NEK9: variants seen among roughly 807,000 people sequenced by gnomAD.
NEK9 encodes NIMA related kinase 9, also known as serine/threonine-protein kinase Nek9.
In NEK9, 75 loss-of-function variants were observed where a neutral mutation model predicts 123.4. The observed-to-expected ratio is 0.61, with a 90% CI of 0.50 to 0.74. The LOEUF (loss-of-function observed/expected upper bound fraction) is 0.74, where lower values mean the gene tolerates loss of function less well. Among genes scored for constraint, NEK9 ranks in the 30% least tolerant of loss-of-function variants. The pLI, the probability that NEK9 is intolerant of heterozygous loss-of-function variation, is 0.00. For synonymous variants in NEK9, 438 were observed against 458.7 expected (o/e 0.95, Z 0.58); for missense variants, 952 against 1,214.4 (o/e 0.78, Z 3.21).
chr14:75,126,728 TC>T lies in NEK9; in HGVS notation c.193del (p.Glu65LysfsTer21). On this transcript the variant is annotated frameshift_variant, in exon 1 of 22. Transcript: ENST00000238616. LOFTEE classifies it high-confidence loss of function. ...CTCGGTGCGGCGGTACAGCGTGGCT[TC>T]CCCGAAGGCGCCGCGGCCCAGGACG... Reference protein sequence around the residue: ...IRVLGRGAFGEATLYRRTEDD... With the variant: ...IRVLGRGAFGXATLYRRTEDD... 1 of 1,481,062 alleles carries T rather than the reference TC, an allele frequency of 6.8e-7. No individual in the cohort carries two copies. The highest frequency in any genetic ancestry group is 9.0e-7 in the Non-Finnish European group (1 of 1,116,518). The allele number at this position is 1,481,062 out of a possible 1,614,324, so 91.7% of individuals were successfully genotyped here. A position where few individuals can be genotyped will look rare whatever the true frequency, so the allele number is the denominator to read the frequency against.
chr14:75,120,027 T>C (rs2139803434), intron 4 of NEK9, among the ~76,000 whole-genome samples: 1 of 152,280 alleles, frequency 6.6e-6, no homozygotes, highest in Middle Eastern at 3.4e-3. Context: ...GATGTGAAAA[T>C]GTTATTGAGA....
intron 16 of NEK9, among the ~76,000 whole-genome samples, chr14:75,099,591 G>C (rs1381006533): frequency 6.6e-6 from 1 of 151,550 alleles, no homozygotes; most frequent in Non-Finnish European, 1.5e-5. Context: ...AGACCAGTCT[G>C]GCTAACAGGG....
Position 75,103,998 on chromosome 14 carries a change from C to A in NEK9, c.1576-1G>T. The stretch of plus-strand genomic sequence containing the variant: ...TAATCAAGGCCTTGGGAACATCCAC[C>A]TGCAAGAAAAAAATCAGAAAAAGAA... On this transcript the variant is annotated splice_acceptor_variant, in intron 13 of 21. Coordinates refer to ENST00000238616, the MANE Select transcript of NEK9 (RefSeq NM_033116.6). LOFTEE classifies it high-confidence loss of function. 1 of 1,598,736 alleles carries A rather than the reference C, an allele frequency of 6.3e-7. No individual in the cohort carries two copies. Among genetic ancestry groups the A allele is most frequent in the Non-Finnish European group, 8.5e-7 (1 of 1,175,962 alleles).
At chr14:75,118,720 T>C in intron 5 of NEK9, 110 bp downstream of exon 5, 1 of 682,234 alleles carries the variant, frequency 1.5e-6, no homozygotes, top group Non-Finnish European at 2.5e-6. Flanking sequence ...GCATTAAAAG[T>C]ATGGAGAACT....
intron 21 of NEK9, chr14:75,086,468 T>G (rs1007441145): frequency 6.5e-6 from 1 of 154,268 alleles, no homozygotes; most frequent in Non-Finnish European, 1.4e-5. Context: ...GGAGAATGTC[T>G]ATTTTCAGAG....
At chr14:75,088,674 T>C in intron 19 of NEK9, 33 bp from the exon 20 acceptor site, 2 of 1,591,336 alleles carry the variant, frequency 1.3e-6, no homozygotes, top group Non-Finnish European at 1.7e-6. Context: ...CATTAGTCTG[T>C]TTGCAGTATT....
At chr14:75,104,046 T>C (rs758297431) in intron 13 of NEK9, 49 bp from the exon 14 acceptor site, 2 of 1,540,902 alleles carry the variant, frequency 1.3e-6, no homozygotes, top group East Asian at 2.4e-5. Flanking sequence ...TAATTCGTAT[T>C]AGAAAAAAAG....
intron 8 of NEK9, among the ~76,000 whole-genome samples, chr14:75,110,854 C>T (rs991045035): frequency 1.3e-5 from 2 of 152,148 alleles, no homozygotes; most frequent in African/African-American, 4.8e-5. Context: ...TCTGATTCAT[C>T]TCTCTCCCTT....
At position 75,103,857 on chromosome 14, in the gene NEK9, T is replaced by G. The variant is rs1248386083; in HGVS notation, c.1716A>C (p.Gly572=). The G allele has an allele frequency of 6.2e-7, 1 of 1,611,752 alleles. No homozygotes were observed. The highest frequency in any genetic ancestry group is 1.7e-5 in the Admixed American group (1 of 59,450). Residue 572 remains glycine (G), a synonymous_variant, in exon 14 of 22, where the codon GGA becomes GGC. Coordinates refer to ENST00000238616, the MANE Select transcript of NEK9 (RefSeq NM_033116.6). Reference sequence around the variant, plus strand: ...GGACACTCACTTCATGGTTGATAATTCCCGACATGCACTGATTCAGACCCA... The same window carrying G: ...GGACACTCACTTCATGGTTGATAATGCCCGACATGCACTGATTCAGACCCA... ...NKLGLNQCMS[G]IINHEAYHEV... is the part of the protein sequence containing the mutation.
intron 20 of NEK9, among the ~76,000 whole-genome samples, chr14:75,087,597 AT>A (rs1894069497): frequency 6.6e-6 from 1 of 152,286 alleles, no homozygotes; most frequent in Admixed American, 6.5e-5. Context: ...CAAAGGGTCA[AT>A]ATTCATGATA....
chr14:75,121,809 G>A (rs1895346418), intron 2 of NEK9, among the ~76,000 whole-genome samples: 1 of 152,222 alleles, frequency 6.6e-6, no homozygotes, highest in South Asian at 2.1e-4. Context: ...GGCGGAGGTT[G>A]CAGTGAGCTG....
chr14:75,120,407 T>C (rs1352659804), intron 4 of NEK9, 103 bp downstream of exon 4: 7 of 713,244 alleles, frequency 9.8e-6, no homozygotes, highest in Non-Finnish European at 1.7e-5. Flanking sequence ...GGAAAAACTC[T>C]TGGCTGCTTA....
chr14:75,107,562 T>C, intron 10 of NEK9, 75 bp from the exon 11 acceptor site: 1 of 1,273,158 alleles, frequency 7.9e-7, no homozygotes, highest in Non-Finnish European at 1.0e-6. Context: ...AGAGATGGGT[T>C]CTCGCTATGT....
Position 75,080,328 on chromosome 14 carries a change from CAAAAAAA to C in NEK9, c.*4229_*4235del, listed in dbSNP as rs766355513. ...CTGGTGACCTAGTAAGAATCCATCT[CAAAAAAA>C]AAAAAAGAAAAAAAAAAAAGAAATA... On this transcript the variant is annotated 3_prime_UTR_variant, in exon 22 of 22. Transcript: ENST00000238616. 2 of 62,696 alleles carry C rather than the reference CAAAAAAA, an allele frequency of 3.2e-5. No individual in the cohort carries two copies. The highest frequency in any genetic ancestry group is 1.1e-4 in the African/African-American group (2 of 17,608). 3.9% of individuals were successfully genotyped at this position (62,696 alleles called of 1,614,324 possible).
In NEK9 at chr14:75,121,894, C is replaced by T. The variant is rs138762951; in HGVS notation, c.398-720G>A. ...GGAAAAAAAGAAAAAAATTGGGTTA[C>T]ACCTGTGATGCAATGTTTTGTATTT... On this transcript the variant is annotated intron_variant, in intron 2 of 21. Coordinates refer to ENST00000238616, the MANE Select transcript of NEK9 (RefSeq NM_033116.6). 3.0e-4 allele frequency among the ~76,000 whole-genome samples: 45 copies of T among 152,248 alleles called. 1 individual carries two copies. The East Asian group carries it at 8.5e-3, about 29-fold the overall frequency.
rs151127950 is a variant in NEK9, at chr14:75,114,299, C to T, written c.777G>A (p.Leu259=). ...RTFDATNPLN[L]CVKIVQGIRA... ...GAATTCCTTGCACGATCTTCACACA[C>T]AGGTTAAGTGGGTTCTATGAGAAAA... Residue 259 remains leucine, a synonymous_variant, in exon 7 of 22, where the codon CTG becomes CTA. Transcript: ENST00000238616. 8.1e-6 allele frequency: 13 copies of T among 1,613,614 alleles called. No individual in the cohort carries two copies. The African/African-American group carries it at 1.5e-4, about 18-fold the overall frequency.
At chr14:75,101,887 A>T (rs1238203604) in intron 14 of NEK9, 122 bp from the exon 15 acceptor site, 2 of 631,302 alleles carry the variant, frequency 3.2e-6, no homozygotes, top group African/African-American at 1.8e-5. Flanking sequence ...ATTACTAAGA[A>T]GAGGGTGCCA....
Position 75,126,730 on chromosome 14 carries a change from C to A in NEK9, c.192G>T (p.Gly64=). The change falls in exon 1 of 22, where the codon GGG becomes GGT. Residue 64 remains glycine, a synonymous_variant. Coordinates refer to ENST00000238616, the MANE Select transcript of NEK9 (RefSeq NM_033116.6). ...CGGTGCGGCGGTACAGCGTGGCTTC[C>A]CCGAAGGCGCCGCGGCCCAGGACGC... ...PIRVLGRGAF[G]EATLYRRTED... is the part of the protein sequence containing the mutation. 6.7e-7 allele frequency: 1 copy of A among 1,483,996 alleles called. No individual in the cohort carries two copies. The highest frequency in any genetic ancestry group is 8.9e-7 in the Non-Finnish European group (1 of 1,117,874). 91.9% of individuals were successfully genotyped at this position (1,483,996 alleles called of 1,614,324 possible).
chr14:75,115,352 G>A (rs963756011), intron 6 of NEK9, among the ~76,000 whole-genome samples: 1 of 151,998 alleles, frequency 6.6e-6, no homozygotes, highest in Non-Finnish European at 1.5e-5. Flanking sequence ...CCTGACCTCA[G>A]GTGATCTGTC....
Sources: allele counts gnomAD v4.1 joint callset (sites outside exome capture counted in the v4.1 genomes callset), GRCh38; gene constraint gnomAD v4.1.1; transcripts MANE v1.5; gene names NCBI Gene and HGNC (gene_info 2026-07-23, HGNC 2026-07-21).